The following COL4A3 variants were observed in gnomAD, a reference collection of about 807,000 sequenced individuals.
COL4A3 encodes the protein collagen type IV alpha 3 chain, also known as collagen alpha-3(IV) chain.
A neutral mutation model predicts 217.4 loss-of-function variants in COL4A3; 135 were observed. That is an observed-to-expected ratio of 0.62 (90% CI 0.54 to 0.72). COL4A3 has a LOEUF of 0.72. COL4A3 is among the 30% of genes least tolerant of loss of function. The pLI, the probability that COL4A3 is intolerant of heterozygous loss-of-function variation, is 0.00. For missense variants in COL4A3, 1,868 were observed against 2,119.9 expected (o/e 0.88, Z 2.33); for synonymous variants, 690 against 736.3 (o/e 0.94, Z 1.02).
At chr2:227,284,692 T>C (rs563476772) in intron 34 of COL4A3, among the ~76,000 whole-genome samples, 43 of 152,306 alleles carry the variant, frequency 2.8e-4, no homozygotes, top group African/African-American at 9.9e-4. Flanking sequence ...TTAAAAAACT[T>C]TTCTGGCTGA....
chr2:227,235,551 A>G (rs2125875044), intron 1 of COL4A3, among the ~76,000 whole-genome samples: 1 of 152,228 alleles, frequency 6.6e-6, no homozygotes, highest in South Asian at 2.1e-4. Context: ...CATCACCCAA[A>G]CAGTGTACAC....
intron 8 of COL4A3, 123 bp from the exon 9 acceptor site, chr2:227,248,320 T>C: frequency 1.3e-6 from 1 of 751,812 alleles, no homozygotes; most frequent in South Asian, 1.4e-5. Context: ...CATAAATCAT[T>C]TCTCTGAGTA....
chr2:227,309,632 C>T (rs1389612136), intron 50 of COL4A3, among the ~76,000 whole-genome samples: 3 of 152,012 alleles, frequency 2.0e-5, no homozygotes, highest in Non-Finnish European at 4.4e-5. Flanking sequence ...GACAGATTCT[C>T]GCTCTGTCAC....
chr2:227,172,581 C>CTTT (rs11315628), intron 1 of COL4A3, among the ~76,000 whole-genome samples: 287 of 73,512 alleles, frequency 3.9e-3, no homozygotes, highest in Non-Finnish European at 4.5e-3. Context: ...TCGTCTTCTT[C>CTTT]TTTTTTTTTT....
chr2:227,288,905 G>C (rs1343646720), intron 34 of COL4A3, among the ~76,000 whole-genome samples: 1 of 150,846 alleles, frequency 6.6e-6, no homozygotes, highest in Non-Finnish European at 1.5e-5. Flanking sequence ...GGATGGGTCT[G>C]ACAAAATTTT....
In COL4A3 at chr2:227,253,738, C is replaced by T. The variant is rs1024847290; in HGVS notation, c.765+100C>T. The stretch of plus-strand genomic sequence containing the variant: ...TTTACAAGCTCTTGTTATCTAAGTC[C>T]AGCTCAGCCCAGCTCCCTCAGCCAG... On this transcript the variant is annotated intron_variant, in intron 13 of 51. Transcript: ENST00000396578. This position sits in a 1 kb window ranked among gnomAD's most constrained non-coding sequence, Gnocchi z 4.4. 4 of 989,994 alleles carry T rather than the reference C, an allele frequency of 4.0e-6. No individual in the cohort carries two copies. The highest frequency in any genetic ancestry group is 6.5e-6 in the Non-Finnish European group (4 of 613,080). 61.3% of individuals were successfully genotyped at this position (989,994 alleles called of 1,614,324 possible). A position where few individuals can be genotyped will look rare whatever the true frequency, so the allele number is the denominator to read the frequency against.
rs1334520842 is a variant in COL4A3, at chr2:227,208,799, CACACACATATAT to C, written c.88-29165_88-29154del. ...ACACACACACACACACACACACACACACACACATATATACAGAAGGAGGTAAGTACAAAGTTC... is the reference window on the plus strand; with the variant it reads ...ACACACACACACACACACACACACACACAGAAGGAGGTAAGTACAAAGTTC... On this transcript the variant is annotated intron_variant, in intron 1 of 51. Coordinates refer to ENST00000396578, the MANE Select transcript of COL4A3 (RefSeq NM_000091.5). Among the ~76,000 whole-genome samples the C allele has an allele frequency of 7.6e-5, 8 of 105,566 alleles. 1 individual carries two copies. The highest frequency in any genetic ancestry group is 2.6e-4 in the African/African-American group (7 of 27,202). 69.3% of individuals were successfully genotyped at this position (105,566 alleles called of 152,430 possible).
chr2:227,312,682 C>G lies in COL4A3; in HGVS notation c.*812C>G, dbSNP rs985076570. 1 of 152,468 alleles carries G rather than the reference C, an allele frequency of 6.6e-6. No homozygotes were observed. Among genetic ancestry groups the G allele is most frequent in the African/African-American group, 2.4e-5 (1 of 41,396 alleles). The allele number at this position is 152,468 out of a possible 1,614,324, so 9.4% of individuals were successfully genotyped here. On this transcript the variant is annotated 3_prime_UTR_variant, in exon 52 of 52. Coordinates refer to ENST00000396578, the MANE Select transcript of COL4A3 (RefSeq NM_000091.5). The stretch of plus-strand genomic sequence containing the variant: ...TACTATGAAATATGTATAACTTTAA[C>G]TTCTGTTTTACCAGCATACCCACAC...
chr2:227,181,802 A>G (rs2065875037), intron 1 of COL4A3, among the ~76,000 whole-genome samples: 1 of 152,208 alleles, frequency 6.6e-6, no homozygotes, highest in South Asian at 2.1e-4. Context: ...ATTTTTGCCT[A>G]CATATCTGAT....
intron 8 of COL4A3, among the ~76,000 whole-genome samples, chr2:227,248,098 C>A (rs965269445): frequency 6.6e-6 from 1 of 152,104 alleles, no homozygotes; most frequent in African/African-American, 2.4e-5. Flanking sequence ...TGCCACCACG[C>A]CCAGCTAATT....
intron 1 of COL4A3, among the ~76,000 whole-genome samples, chr2:227,220,491 A>C (rs1467833388): frequency 1.3e-5 from 2 of 150,614 alleles, no homozygotes; most frequent in African/African-American, 4.9e-5. Context: ...CCAGAGACAG[A>C]GTCTTGCTCC....
At chr2:227,230,117 A>T (rs2068322330) in intron 1 of COL4A3, among the ~76,000 whole-genome samples, 1 of 152,124 alleles carries the variant, frequency 6.6e-6, no homozygotes. Context: ...AGTAGACTCA[A>T]CATAGATGGG....
At chr2:227,251,521 C>T (rs1301215199) in intron 11 of COL4A3, 150 bp downstream of exon 11, 16 of 694,348 alleles carry the variant, frequency 2.3e-5, no homozygotes, top group Non-Finnish European at 3.3e-5. Flanking sequence ...TAGCTGCTCT[C>T]ACCTCTTTTC....
intron 1 of COL4A3, among the ~76,000 whole-genome samples, chr2:227,211,649 TTTTA>T (rs71036166): frequency 6.7e-5 from 10 of 149,966 alleles, no homozygotes; most frequent in African/African-American, 1.5e-4. Context: ...TCAGACTTGA[TTTTA>T]TTTATTTATT....
Position 227,240,167 on chromosome 2 carries a change from C to G in COL4A3, c.169C>G (p.Pro57Ala), listed in dbSNP as rs1559856791. 2 of 1,610,812 alleles carry G rather than the reference C, an allele frequency of 1.2e-6. No individual in the cohort carries two copies. Among genetic ancestry groups the G allele is most frequent in the Admixed American group, 3.4e-5 (2 of 59,680 alleles). Residue 57 changes from proline to alanine, a missense_variant, in exon 3 of 52, where the codon CCC becomes GCC. Pro to Ala is a conservative substitution (Grantham distance 27). Around this residue, in one of 2 missense-constraint regions of COL4A3, gnomAD observed 365 missense variants for 333.8 expected, o/e 1.09. Transcript: ENST00000396578. ...EKGEKGFPGPPGSPGQKGFTG... is the reference protein window; with the variant it reads ...EKGEKGFPGPAGSPGQKGFTG... ...GGGGGAGAAGGGCTTTCCTGGACCC[C>G]CCGGTTCTCCTGGCCAGAAAGGATT...
intron 1 of COL4A3, among the ~76,000 whole-genome samples, chr2:227,218,078 A>C (rs1559836130): frequency 8.2e-5 from 4 of 49,046 alleles, no homozygotes; most frequent in South Asian, 1.2e-3. Flanking sequence ...CTATATATAT[A>C]GCTATATATA....
At chr2:227,255,415 T>C (rs926924218) in intron 15 of COL4A3, among the ~76,000 whole-genome samples, 9 of 152,222 alleles carry the variant, frequency 5.9e-5, no homozygotes, top group African/African-American at 1.7e-4. Flanking sequence ...CTAAAAGTTA[T>C]ACATTTGGAA....
At chr2:227,254,226 G>A (rs1376757538) in intron 14 of COL4A3, 52 bp downstream of exon 14, 22 of 1,489,260 alleles carry the variant, frequency 1.5e-5, no homozygotes, top group Non-Finnish European at 1.6e-5. Context: ...TAGAGCCTTA[G>A]TATTTACTTT....
chr2:227,299,835 C>T (rs1324342729), intron 43 of COL4A3, among the ~76,000 whole-genome samples: 1 of 152,160 alleles, frequency 6.6e-6, no homozygotes, highest in Non-Finnish European at 1.5e-5. Flanking sequence ...CTTATTTAGA[C>T]CCTGAACAAG....
Sources: gnomAD v4.1 joint callset for allele counts (sites outside exome capture counted in the v4.1 genomes callset) on GRCh38, gnomAD v4.1.1 for gene constraint, gnomAD v4.1.1 regional missense constraint, Gnocchi (gnomAD v3.1) non-coding constraint, MANE v1.5 for transcripts, NCBI Gene and HGNC (gene_info 2026-07-23, HGNC 2026-07-21) for gene names.